The following CLNK variants were observed in gnomAD, a reference collection of about 807,000 sequenced individuals.
CLNK encodes cytokine-dependent hematopoietic cell linker.
A neutral mutation model predicts 68.6 loss-of-function variants in CLNK; 74 were observed. That is an observed-to-expected ratio of 1.08 (90% CI 0.89 to 1.31). CLNK has a LOEUF of 1.31. Among genes scored for constraint, CLNK ranks in the 50% most tolerant of loss-of-function variants. The probability of loss-of-function intolerance (pLI) is 0.00; values close to 1 mark genes in which losing one functional copy is unlikely to be tolerated. For synonymous variants in CLNK, 198 were observed against 172.2 expected (o/e 1.15, Z -1.17); for missense variants, 553 against 515.3 (o/e 1.07, Z -0.71).
rs1236416574 is a variant in CLNK at position 10,508,027 on chromosome 4, G to C, written c.916C>G (p.His306Asp). ...PKRSDRKDVQHNEWYIGEYSR... is the reference protein window; with the variant it reads ...PKRSDRKDVQDNEWYIGEYSR... ...TATTCTCCAATGTACCATTCATTGT[G>C]CTGGACATCCTGCAGAACAGAATCA... is the stretch of plus-strand genomic sequence containing the variant. Residue 306 changes from histidine to aspartate, a missense_variant, in exon 17 of 19, where the codon CAC becomes GAC. Physicochemically the swap from His to Asp is moderately conservative, Grantham distance 81. Transcript: ENST00000226951. 1.2e-6 allele frequency: 2 copies of C among 1,609,948 alleles called. No homozygotes were observed. The highest frequency in any genetic ancestry group is 1.7e-4 in the Middle Eastern group (1 of 6,058).
chr4:10,720,669 A>T, the CLNK span, among the ~76,000 whole-genome samples: 2 of 149,108 alleles, frequency 1.3e-5, no homozygotes, highest in Middle Eastern at 3.2e-3. Context: ...AACTGAACAA[A>T]AATGCATACA....
chr4:10,543,340 G>C (rs1351574999), intron 8 of CLNK, among the ~76,000 whole-genome samples: 5 of 152,088 alleles, frequency 3.3e-5, no homozygotes, highest in Admixed American at 3.3e-4. Context: ...TGGCTGTTGG[G>C]GAATCAGTGA....
chr4:10,655,884 C>T (rs549173947), intron 2 of CLNK, among the ~76,000 whole-genome samples: 1 of 151,980 alleles, frequency 6.6e-6, no homozygotes, highest in South Asian at 2.1e-4. Flanking sequence ...CTCCTGACCT[C>T]GTGATCTGCC....
chr4:10,537,674 T>TTCCTTCCTTC (rs1560206883), intron 11 of CLNK, among the ~76,000 whole-genome samples: 3 of 46,862 alleles, frequency 6.4e-5, no homozygotes, highest in African/African-American at 2.5e-4. Flanking sequence ...TTTCTTTCTT[T>TTCCTTCCTTC]CTTTCTTCCT....
chr4:10,611,119 A>G (rs1393735951), intron 2 of CLNK, among the ~76,000 whole-genome samples: 3 of 152,214 alleles, frequency 2.0e-5, no homozygotes, highest in African/African-American at 7.2e-5. Flanking sequence ...GGAGATCAAG[A>G]CCATCCTGCC....
chr4:10,502,973 G>A (rs1285070979), intron 17 of CLNK, among the ~76,000 whole-genome samples: 1 of 152,106 alleles, frequency 6.6e-6, no homozygotes, highest in African/African-American at 2.4e-5. Flanking sequence ...GAAATAATTT[G>A]TACACTCCAG....
intron 8 of CLNK, among the ~76,000 whole-genome samples, chr4:10,555,161 C>A (rs1205690827): frequency 1.3e-5 from 2 of 152,170 alleles, no homozygotes; most frequent in Non-Finnish European, 2.9e-5. Flanking sequence ...TCTTTTCAAT[C>A]AGCTCGTGTT....
intron 2 of CLNK, among the ~76,000 whole-genome samples, chr4:10,610,784 A>T (rs1721982643): frequency 2.8e-5 from 1 of 35,276 alleles, no homozygotes; most frequent in African/African-American, 8.6e-5. Context: ...ACACACACAC[A>T]CACACACACA....
At chr4:10,501,433 T>C in intron 17 of CLNK, 22 bp from the exon 18 acceptor site, 1 of 1,601,398 alleles carries the variant, frequency 6.2e-7, no homozygotes, top group Non-Finnish European at 8.5e-7. Flanking sequence ...AGAGTAACAG[T>C]CATCTTTTCA....
At chr4:10,694,277 C>G in the CLNK span, among the ~76,000 whole-genome samples, 1 of 151,480 alleles carries the variant, frequency 6.6e-6, no homozygotes, top group African/African-American at 2.4e-5. Context: ...GGGCCTTCAG[C>G]TTAGTATTCA....
intron 8 of CLNK, among the ~76,000 whole-genome samples, chr4:10,545,995 C>A (rs558865779): frequency 6.6e-5 from 10 of 152,166 alleles, no homozygotes; most frequent in Admixed American, 1.3e-4. Flanking sequence ...CGCCCCAGTC[C>A]TATCCCCTGA....
At chr4:10,561,184 A>T (rs1332094940) in intron 7 of CLNK, among the ~76,000 whole-genome samples, 1 of 152,140 alleles carries the variant, frequency 6.6e-6, no homozygotes, top group Non-Finnish European at 1.5e-5. Context: ...TACAGGCATG[A>T]ACTACTGCAC....
At chr4:10,617,741 C>T (rs372293173) in intron 2 of CLNK, among the ~76,000 whole-genome samples, 87 of 152,242 alleles carry the variant, frequency 5.7e-4, no homozygotes, top group Non-Finnish European at 8.7e-4. Context: ...CTGAAAAAGA[C>T]GGAAAAAGAG....
At chr4:10,680,368 G>A (rs1327372570) in intron 1 of CLNK, among the ~76,000 whole-genome samples, 5 of 132,696 alleles carry the variant, frequency 3.8e-5, no homozygotes, top group African/African-American at 1.4e-4. Context: ...GGCCTGTGGT[G>A]GGTTGGGGGG....
chr4:10,667,720 C>T (rs547410715), intron 2 of CLNK, 139 bp downstream of exon 2: 18 of 282,148 alleles, frequency 6.4e-5, no homozygotes, highest in Admixed American at 4.3e-4. Context: ...AGCCCACAAT[C>T]TCAACCATGG....
At chr4:10,601,645 G>T (rs565610465) in intron 2 of CLNK, among the ~76,000 whole-genome samples, 1 of 152,170 alleles carries the variant, frequency 6.6e-6, no homozygotes, top group Non-Finnish European at 1.5e-5. Context: ...ACCTCGAAAG[G>T]AGATGCTCAA....
the CLNK span, among the ~76,000 whole-genome samples, chr4:10,702,549 A>G: frequency 6.6e-6 from 1 of 152,240 alleles, no homozygotes; most frequent in African/African-American, 2.4e-5. Flanking sequence ...GGGTAGAAGC[A>G]CTAACTAAGA....
intron 17 of CLNK, among the ~76,000 whole-genome samples, chr4:10,505,145 G>T (rs868188457): frequency 3.3e-5 from 5 of 152,158 alleles, no homozygotes; most frequent in African/African-American, 1.2e-4. Flanking sequence ...GACAGCCAGG[G>T]TTGGAATCTA....
At chr4:10,733,235 C>T in the CLNK span, among the ~76,000 whole-genome samples, 9 of 152,124 alleles carry the variant, frequency 5.9e-5, no homozygotes, top group East Asian at 1.9e-4. Context: ...ACAGCCCCCA[C>T]GTCTGCCCAT....
Sources: allele counts gnomAD v4.1 joint callset (sites outside exome capture counted in the v4.1 genomes callset), GRCh38; gene constraint gnomAD v4.1.1; transcripts MANE v1.5; gene names NCBI Gene and HGNC (gene_info 2026-07-23, HGNC 2026-07-21).